Variants in PARD6B observed in about 807,000 individuals in gnomAD.
PARD6B encodes par-6 family cell polarity regulator beta.
A neutral mutation model predicts 10.5 loss-of-function variants in PARD6B; 4 were observed. The ratio of observed to expected loss-of-function variants is 0.38; its 90% CI spans 0.19 to 0.87. The LOEUF is 0.87. Among genes scored for constraint, PARD6B ranks in the 40% least tolerant of loss-of-function variants. The pLI, the probability that PARD6B is intolerant of heterozygous loss-of-function variation, is 0.41. For synonymous variants in PARD6B, 169 were observed against 170.4 expected (o/e 0.99, Z 0.07); for missense variants, 396 against 470.6 (o/e 0.84, Z 1.47).
intron 2 of PARD6B, among the ~76,000 whole-genome samples, chr20:50,748,260 C>T (rs185350943): frequency 6.6e-6 from 1 of 152,224 alleles, no homozygotes; most frequent in Non-Finnish European, 1.5e-5. Context: ...AGGAGAATCG[C>T]TTGAACCTGG....
chr20:50,745,980 G>A (rs530668915), intron 2 of PARD6B, among the ~76,000 whole-genome samples: 2 of 152,106 alleles, frequency 1.3e-5, no homozygotes, highest in South Asian at 2.1e-4. Flanking sequence ...TTCAAGTGGG[G>A]CATAATCTTG....
chr20:50,740,254 G>A (rs1031122585), intron 2 of PARD6B, among the ~76,000 whole-genome samples: 8 of 152,298 alleles, frequency 5.3e-5, no homozygotes, highest in Non-Finnish European at 7.4e-5. Context: ...TATATAGAGT[G>A]CTGGAAAAGG....
chr20:50,741,699 A>T (rs1600816500), intron 2 of PARD6B, among the ~76,000 whole-genome samples: 1 of 148,432 alleles, frequency 6.7e-6, no homozygotes, highest in African/African-American at 2.5e-5. Flanking sequence ...CCGCCAACAC[A>T]CCCGGCTAAT....
At chr20:50,743,221 G>C (rs1230982397) in intron 2 of PARD6B, among the ~76,000 whole-genome samples, 1 of 152,202 alleles carries the variant, frequency 6.6e-6, no homozygotes, top group African/African-American at 2.4e-5. Flanking sequence ...TGGAGGATCT[G>C]TTGATGTGCT....
At position 50,750,865 on chromosome 20, in the gene PARD6B, T is replaced by A. The variant is rs967208997; in HGVS notation, c.*377T>A. On this transcript the variant is annotated 3_prime_UTR_variant, in exon 3 of 3. Transcript: ENST00000371610. ...TTAATTTTTCCTTTAACTGTATTTT[T>A]AAAATTCTAATGTGAAGTCTGATTC... 1 of 999,978 alleles carries A rather than the reference T, an allele frequency of 1.0e-6. No homozygotes were observed. The allele number at this position is 999,978 out of a possible 1,614,324, so 61.9% of individuals were successfully genotyped here.
At chr20:50,731,979 C>G in intron 1 of PARD6B, 127 bp downstream of exon 1, 6 of 488,874 alleles carry the variant, frequency 1.2e-5, no homozygotes, top group South Asian at 6.6e-5. Flanking sequence ...ACGGTGCGGT[C>G]GGGAGACTGT....
chr20:50,745,964 C>T (rs527919230), intron 2 of PARD6B, among the ~76,000 whole-genome samples: 2 of 152,264 alleles, frequency 1.3e-5, no homozygotes, highest in Non-Finnish European at 2.9e-5. Context: ...ATTTCTTCCT[C>T]TGATCTTCAA....
intron 2 of PARD6B, among the ~76,000 whole-genome samples, chr20:50,745,281 G>A (rs928317497): frequency 2.6e-5 from 4 of 151,972 alleles, no homozygotes; most frequent in Admixed American, 1.3e-4. Context: ...AAAATTAGCC[G>A]GGCATGGTGG....
At position 50,752,767 on chromosome 20, in the gene PARD6B, G is replaced by A; in HGVS notation, c.*2279G>A. 8 of 980,426 alleles carry A rather than the reference G, an allele frequency of 8.2e-6. No individual in the cohort carries two copies. The highest frequency in any genetic ancestry group is 1.1e-4 in the East Asian group (1 of 8,792). 60.7% of individuals were successfully genotyped at this position (980,426 alleles called of 1,614,324 possible). ...ATATATATGAAGAAGTCTTGATTACGTGAAGATCACTTGACTCAGAATACT... is the reference window on the plus strand; with the variant it reads ...ATATATATGAAGAAGTCTTGATTACATGAAGATCACTTGACTCAGAATACT... On this transcript the variant is annotated 3_prime_UTR_variant, in exon 3 of 3. Coordinates refer to ENST00000371610, the MANE Select transcript of PARD6B (RefSeq NM_032521.3).
chr20:50,743,530 G>T (rs6126086), intron 2 of PARD6B, among the ~76,000 whole-genome samples: 2 of 151,870 alleles, frequency 1.3e-5, no homozygotes, highest in Non-Finnish European at 2.9e-5. Flanking sequence ...TATGAATCAG[G>T]GTTTAAAGTT....
At chr20:50,739,711 T>G (rs1459496273) in intron 2 of PARD6B, among the ~76,000 whole-genome samples, 1 of 152,124 alleles carries the variant, frequency 6.6e-6, no homozygotes, top group East Asian at 1.9e-4. Flanking sequence ...GAGATGGATC[T>G]CAAAGGTAAT....
At chr20:50,743,466 T>A (rs2087542289) in intron 2 of PARD6B, among the ~76,000 whole-genome samples, 1 of 152,234 alleles carries the variant, frequency 6.6e-6, no homozygotes, top group South Asian at 2.1e-4. Flanking sequence ...AAATCATCTC[T>A]TAGATTTTGT....
chr20:50,737,995 T>G lies in PARD6B; in HGVS notation c.205T>G (p.Leu69Val), dbSNP rs774137885. The G allele has an allele frequency of 1.2e-5, 19 of 1,613,410 alleles. No homozygotes were observed. The highest frequency in any genetic ancestry group is 1.5e-5 in the Non-Finnish European group (18 of 1,179,782). Residue 69 changes from leucine (L) to valine (V), a missense_variant, in exon 2 of 3, where the codon TTA (leucine) becomes GTA (valine). By Grantham distance (32) the Leu-to-Val change is conservative. Coordinates refer to ENST00000371610, the MANE Select transcript of PARD6B (RefSeq NM_032521.3). ...AGGCTATGCAGACATCCATGGAGACTTACTACCTATAAATAATGATGATAA... is the reference window on the plus strand; with the variant it reads ...AGGCTATGCAGACATCCATGGAGACGTACTACCTATAAATAATGATGATAA... ...LVGYADIHGD[L>V]LPINNDDNYH...
intron 2 of PARD6B, among the ~76,000 whole-genome samples, chr20:50,741,759 G>A (rs1209479802): frequency 6.6e-6 from 1 of 151,926 alleles, no homozygotes; most frequent in Non-Finnish European, 1.5e-5. Flanking sequence ...TGTTAGCCAG[G>A]ATGGTCTCGA....
chr20:50,750,492 C>T lies in PARD6B; in HGVS notation c.*4C>T, dbSNP rs754313679. 48 of 1,607,340 alleles carry T rather than the reference C, an allele frequency of 3.0e-5. No homozygotes were observed. Among genetic ancestry groups the T allele is most frequent in the Middle Eastern group, 1.7e-4 (1 of 6,030 alleles). On this transcript the variant is annotated 3_prime_UTR_variant, in exon 3 of 3. Coordinates refer to ENST00000371610, the MANE Select transcript of PARD6B (RefSeq NM_032521.3). The stretch of plus-strand genomic sequence containing the variant: ...TGGAACAATCATAACATTATGAAAC[C>T]GTGGTTTGAATGTTTTCAGAGTGAG...
Position 50,752,682 on chromosome 20 carries a change from A to G in PARD6B, c.*2194A>G, listed in dbSNP as rs1031838361. On this transcript the variant is annotated 3_prime_UTR_variant, in exon 3 of 3. Coordinates refer to ENST00000371610, the MANE Select transcript of PARD6B (RefSeq NM_032521.3). ...AATACCTTTTTAACAATTGTGTGCT[A>G]TTACAACAATGAAGATTCAAATGAC... 9.2e-6 allele frequency: 9 copies of G among 977,576 alleles called. No individual in the cohort carries two copies. The highest frequency in any genetic ancestry group is 5.3e-4 in the Middle Eastern group (1 of 1,896). The allele number at this position is 977,576 out of a possible 1,614,324, so 60.6% of individuals were successfully genotyped here.
rs2087625600 is a variant in PARD6B at position 50,753,344 on chromosome 20, G to A, written c.*2856G>A. The A allele has an allele frequency of 7.1e-6, 7 of 985,118 alleles. No individual in the cohort carries two copies. Among genetic ancestry groups the A allele is most frequent in the Non-Finnish European group, 7.2e-6 (6 of 829,392 alleles). 61.0% of individuals were successfully genotyped at this position (985,118 alleles called of 1,614,324 possible). A position where few individuals can be genotyped will look rare whatever the true frequency, so the allele number is the denominator to read the frequency against. ...TAAAACCAATAGATCCTGGTTATACGATAAAATATCAGCTCATTGGTAGGC... is the reference window on the plus strand; with the variant it reads ...TAAAACCAATAGATCCTGGTTATACAATAAAATATCAGCTCATTGGTAGGC... On this transcript the variant is annotated 3_prime_UTR_variant, in exon 3 of 3. Coordinates refer to ENST00000371610, the MANE Select transcript of PARD6B (RefSeq NM_032521.3).
intron 2 of PARD6B, among the ~76,000 whole-genome samples, chr20:50,747,252 C>T (rs542457889): frequency 2.0e-4 from 31 of 152,188 alleles, no homozygotes; most frequent in Admixed American, 7.9e-4. Flanking sequence ...GTGTAACTTA[C>T]GTTGTACCCT....
At position 50,737,848 on chromosome 20, in the gene PARD6B, C is replaced by A. The variant is rs200581055; in HGVS notation, c.67-9C>A. ...TTTTTTTTAAGTAATATGTTTGTTA[C>A]GTTTATAGTTTGGAGCTGAATTTCG... On this transcript the variant is annotated splice_polypyrimidine_tract_variant and intron_variant, in intron 1 of 2. Coordinates refer to ENST00000371610, the MANE Select transcript of PARD6B (RefSeq NM_032521.3). 2.7e-6 allele frequency: 4 copies of A among 1,482,884 alleles called. No individual in the cohort carries two copies. The highest frequency in any genetic ancestry group is 1.4e-5 in the South Asian group (1 of 73,704). The allele number at this position is 1,482,884 out of a possible 1,614,324, so 91.9% of individuals were successfully genotyped here.
Sources: allele counts gnomAD v4.1 joint callset (sites outside exome capture counted in the v4.1 genomes callset), GRCh38; gene constraint gnomAD v4.1.1; transcripts MANE v1.5; gene names NCBI Gene and HGNC (gene_info 2026-07-23, HGNC 2026-07-21).